SYCP1: variants seen among roughly 807,000 people sequenced by gnomAD.
SYCP1 encodes synaptonemal complex protein 1.
In SYCP1, 64 loss-of-function variants were observed where a neutral mutation model predicts 153.1. The ratio of observed to expected loss-of-function variants is 0.42; its 90% CI spans 0.34 to 0.51. SYCP1 has a LOEUF of 0.51. Among genes scored for constraint, SYCP1 ranks in the 20% least tolerant of loss-of-function variants. The probability of loss-of-function intolerance (pLI) is 0.06; values close to 1 mark genes in which losing one functional copy is unlikely to be tolerated. For synonymous variants in SYCP1, 384 were observed against 341.8 expected (o/e 1.12, Z -1.36); for missense variants, 997 against 1,049.0 (o/e 0.95, Z 0.68).
chr1:114,902,689 T>A (rs1004005729), intron 16 of SYCP1, among the ~76,000 whole-genome samples: 2 of 150,524 alleles, frequency 1.3e-5, no homozygotes, highest in Non-Finnish European at 2.9e-5. Flanking sequence ...AACATCAATA[T>A]CTGGATTCTC....
At chr1:114,965,570 G>C (rs1341837780) in intron 27 of SYCP1, among the ~76,000 whole-genome samples, 1 of 152,058 alleles carries the variant, frequency 6.6e-6, no homozygotes, top group Non-Finnish European at 1.5e-5. Flanking sequence ...AGCATGAAGG[G>C]GTGTTGAATT....
chr1:114,975,387 T>C (rs748956762), intron 27 of SYCP1, among the ~76,000 whole-genome samples: 14 of 151,480 alleles, frequency 9.2e-5, no homozygotes, highest in Non-Finnish European at 1.9e-4. Flanking sequence ...GGAAGGTATA[T>C]GTAGTCTTTT....
At position 114,981,340 on chromosome 1, in the gene SYCP1, C is replaced by G; in HGVS notation, c.2387C>G (p.Thr796Arg). 1.3e-6 allele frequency: 2 copies of G among 1,585,418 alleles called. No individual in the cohort carries two copies. Among genetic ancestry groups the G allele is most frequent in the Non-Finnish European group, 1.7e-6 (2 of 1,169,094 alleles). The part of the protein sequence containing the change: ...ATLKEKKDKK[T>R]QTFLLETPEI... ...CATTCTTGTTGTTCAATGCAGAAAA[C>G]ACAAACATTTTTATTGGAAACACCT... The change falls in exon 29 of 32, where the codon ACA (threonine) becomes AGA (arginine). Residue 796 changes from threonine to arginine, a missense_variant. This residue lies in a region of SYCP1 where 712 missense variants were observed against 682.9 expected (regional missense o/e 1.04). Transcript: ENST00000369522.
chr1:114,946,387 A>C lies in SYCP1; in HGVS notation c.2247+6A>C. ...CATCACTGAGAGCATCTTTGGTGAG[A>C]TACAGAAAAAATTGCAGTAACGGCC... On this transcript the variant is annotated splice_donor_region_variant and intron_variant, in intron 26 of 31. Transcript: ENST00000369522. The C allele has an allele frequency of 6.4e-7, 1 of 1,568,748 alleles. No homozygotes were observed. The highest frequency in any genetic ancestry group is 1.4e-5 in the African/African-American group (1 of 71,920).
chr1:114,972,925 C>A (rs1396194441), intron 27 of SYCP1, among the ~76,000 whole-genome samples: 1 of 152,088 alleles, frequency 6.6e-6, no homozygotes, highest in Non-Finnish European at 1.5e-5. Context: ...GTCTATAGTG[C>A]AGATTAAGTC....
chr1:114,912,823 G>A (rs888386944), intron 18 of SYCP1, among the ~76,000 whole-genome samples: 1 of 151,758 alleles, frequency 6.6e-6, no homozygotes, highest in Admixed American at 6.6e-5. Flanking sequence ...ATTTAGTAAA[G>A]AAAAATTTCA....
chr1:114,992,274 T>C (rs1233030013), intron 30 of SYCP1, among the ~76,000 whole-genome samples: 24 of 151,866 alleles, frequency 1.6e-4, no homozygotes, highest in Admixed American at 1.6e-3. Context: ...TCCAACAATT[T>C]TTTTTGCATA....
chr1:114,868,999 T>C (rs895504557), intron 8 of SYCP1, among the ~76,000 whole-genome samples: 20 of 152,190 alleles, frequency 1.3e-4, no homozygotes, highest in Admixed American at 1.2e-3. Flanking sequence ...TTTGGTTTCA[T>C]TGATTTTTTA....
chr1:114,995,113 GTTGAGAC>G lies in SYCP1; in HGVS notation c.*97_*103del, dbSNP rs1447941142. 2 of 1,251,370 alleles carry G rather than the reference GTTGAGAC, an allele frequency of 1.6e-6. No homozygotes were observed. The highest frequency in any genetic ancestry group is 2.1e-6 in the Non-Finnish European group (2 of 933,714). The allele number at this position is 1,251,370 out of a possible 1,614,324, so 77.5% of individuals were successfully genotyped here. On this transcript the variant is annotated 3_prime_UTR_variant, in exon 32 of 32. Coordinates refer to ENST00000369522, the MANE Select transcript of SYCP1 (RefSeq NM_003176.4). Reference sequence around the variant, plus strand: ...TGCCAGAGCCAAATTTTATCTGGAAGTTGAGACTTAAAAAATACTTGCATGAATGATT... The same window carrying G: ...TGCCAGAGCCAAATTTTATCTGGAAGTTAAAAAATACTTGCATGAATGATT...
intron 23 of SYCP1, 64 bp downstream of exon 23, chr1:114,926,627 A>C: frequency 7.4e-7 from 1 of 1,352,942 alleles, no homozygotes; most frequent in South Asian, 1.4e-5. Context: ...TAGACATTTT[A>C]TTCCACTTGT....
chr1:114,889,180 C>G (rs1666522332), intron 15 of SYCP1, among the ~76,000 whole-genome samples: 2 of 152,136 alleles, frequency 1.3e-5, no homozygotes, highest in African/African-American at 4.8e-5. Context: ...GTGCATGTGT[C>G]TTTATAGTAG....
intron 8 of SYCP1, among the ~76,000 whole-genome samples, chr1:114,874,080 G>A (rs1171811611): frequency 6.6e-6 from 1 of 152,130 alleles, no homozygotes; most frequent in Non-Finnish European, 1.5e-5. Context: ...TTCCAGCAAT[G>A]TGTCAATTAT....
chr1:114,876,998 T>G, intron 11 of SYCP1, 188 bp downstream of exon 11: 1 of 268,620 alleles, frequency 3.7e-6, no homozygotes. Context: ...ATGTACTCAC[T>G]CTAGCTTTTT....
At chr1:114,895,609 A>AT (rs1557779314) in intron 16 of SYCP1, 100 bp downstream of exon 16, 2 of 574,234 alleles carry the variant, frequency 3.5e-6, no homozygotes, top group Middle Eastern at 5.2e-4. Flanking sequence ...TTTTATACTA[A>AT]TTTTTTCAGC....
At position 114,923,440 on chromosome 1, in the gene SYCP1, T is replaced by G. The variant is rs762716121; in HGVS notation, c.1719-9T>G. ...TTTAGTATAATGTCACTCTTCCATTTTCTTTTAGAAATGAACTAGAATATG... is the reference window on the plus strand; with the variant it reads ...TTTAGTATAATGTCACTCTTCCATTGTCTTTTAGAAATGAACTAGAATATG... On this transcript the variant is annotated splice_polypyrimidine_tract_variant and intron_variant, in intron 20 of 31. Coordinates refer to ENST00000369522, the MANE Select transcript of SYCP1 (RefSeq NM_003176.4). 5.1e-6 allele frequency: 8 copies of G among 1,565,136 alleles called. No homozygotes were observed. The African/African-American group carries it at 9.6e-5, about 19-fold the overall frequency.
At position 114,984,751 on chromosome 1, in the gene SYCP1, A is replaced by G. The variant is rs763267715; in HGVS notation, c.2586A>G (p.Lys862=). The G allele has an allele frequency of 3.4e-6, 5 of 1,489,272 alleles. No homozygotes were observed. Among genetic ancestry groups the G allele is most frequent in the Non-Finnish European group, 3.6e-6 (4 of 1,124,432 alleles). The allele number at this position is 1,489,272 out of a possible 1,614,324, so 92.3% of individuals were successfully genotyped here. A position where few individuals can be genotyped will look rare whatever the true frequency, so the allele number is the denominator to read the frequency against. The change falls in exon 30 of 32, where the codon AAA becomes AAG. Residue 862 remains lysine, a synonymous_variant. Transcript: ENST00000369522. ...CATATACAGTGAAGACACCAACAAA[A>G]CCAAAACTACAGCAAAGAGAAAACT... The part of the protein sequence containing the change: ...PKAYTVKTPT[K]PKLQQRENLN...
intron 29 of SYCP1, among the ~76,000 whole-genome samples, chr1:114,982,350 T>C (rs1673212070): frequency 6.6e-6 from 1 of 151,924 alleles, no homozygotes; most frequent in Admixed American, 6.6e-5. Context: ...CTTTTCCTTC[T>C]CAGTTTCCCA....
intron 25 of SYCP1, among the ~76,000 whole-genome samples, chr1:114,945,322 T>C (rs181456251): frequency 6.6e-6 from 1 of 152,202 alleles, no homozygotes; most frequent in Non-Finnish European, 1.5e-5. Flanking sequence ...ATCTCATTGA[T>C]ATCTAACATA....
chr1:114,977,662 C>A, intron 28 of SYCP1, 46 bp downstream of exon 28: 1 of 1,177,014 alleles, frequency 8.5e-7, no homozygotes, highest in Non-Finnish European at 1.2e-6. Flanking sequence ...AATTCATTTT[C>A]TAACTTCTAC....
Sources: allele counts gnomAD v4.1 joint callset (sites outside exome capture counted in the v4.1 genomes callset), GRCh38; gene constraint gnomAD v4.1.1; regional missense constraint gnomAD v4.1.1; transcripts MANE v1.5; gene names NCBI Gene and HGNC (gene_info 2026-07-23, HGNC 2026-07-21).